Variants in PTBP3 observed in about 807,000 individuals in gnomAD.
PTBP3 encodes polypyrimidine tract binding protein 3, also known as polypyrimidine tract-binding protein 3.
Under a neutral mutation model 58.7 loss-of-function variants are expected in PTBP3, and 20 were observed. That is an observed-to-expected ratio of 0.34 (90% CI 0.24 to 0.50). The LOEUF is 0.50. Among genes scored for constraint, PTBP3 ranks in the 20% least tolerant of loss-of-function variants. The pLI is 0.98. For missense variants in PTBP3, 509 were observed against 637.2 expected (o/e 0.80, Z 2.17); for synonymous variants, 185 against 219.8 (o/e 0.84, Z 1.40).
At chr9:112,306,370 T>C (rs984031010) in intron 1 of PTBP3, among the ~76,000 whole-genome samples, 4 of 150,704 alleles carry the variant, frequency 2.7e-5, no homozygotes, top group African/African-American at 9.8e-5. Flanking sequence ...TTCACCATGT[T>C]GCCCAAGCTG....
chr9:112,257,936 A>T (rs2132110486), intron 5 of PTBP3, among the ~76,000 whole-genome samples: 1 of 86,172 alleles, frequency 1.2e-5, no homozygotes, highest in African/African-American at 8.8e-5. Flanking sequence ...GTGAGACTCC[A>T]TCTCAAAAAA....
the PTBP3 span, among the ~76,000 whole-genome samples, chr9:112,341,497 T>G: frequency 2.0e-5 from 3 of 152,240 alleles, no homozygotes; most frequent in African/African-American, 7.2e-5. Context: ...TCGTTGGGTG[T>G]GTGTGTGTGT....
chr9:112,335,701 T>G (rs1830572454), upstream of PTBP3, among the ~76,000 whole-genome samples: 1 of 140,122 alleles, frequency 7.1e-6, no homozygotes, highest in Non-Finnish European at 1.5e-5. Flanking sequence ...GGCGGGCAGA[T>G]CACTTAAGGT....
At chr9:112,262,011 T>C (rs1836617260) in intron 5 of PTBP3, among the ~76,000 whole-genome samples, 3 of 152,192 alleles carry the variant, frequency 2.0e-5, no homozygotes, top group South Asian at 2.1e-4. Flanking sequence ...ATATTTAACA[T>C]GGTATATTCA....
At chr9:112,349,444 A>AC in the PTBP3 span, among the ~76,000 whole-genome samples, 3 of 151,920 alleles carry the variant, frequency 2.0e-5, no homozygotes, top group East Asian at 3.9e-4. Flanking sequence ...AATCACAGGA[A>AC]CCCCCCAATT....
the PTBP3 span, among the ~76,000 whole-genome samples, chr9:112,347,498 C>T: frequency 1.3e-5 from 2 of 151,986 alleles, no homozygotes; most frequent in Non-Finnish European, 2.9e-5. Context: ...TGTGCCACCA[C>T]GCCTGGCTAA....
the PTBP3 span, among the ~76,000 whole-genome samples, chr9:112,356,581 C>CAAAAAA: frequency 6.9e-6 from 1 of 145,966 alleles, no homozygotes; most frequent in Non-Finnish European, 1.5e-5. Flanking sequence ...AGCAACAGAG[C>CAAAAAA]AAAAAAAAAA....
chr9:112,340,604 C>T, the PTBP3 span, among the ~76,000 whole-genome samples: 3 of 152,188 alleles, frequency 2.0e-5, no homozygotes, highest in South Asian at 6.2e-4. Context: ...TGTTTAGGGC[C>T]GGGTGCAGTG....
At chr9:112,356,091 C>T in the PTBP3 span, among the ~76,000 whole-genome samples, 1 of 151,198 alleles carries the variant, frequency 6.6e-6, no homozygotes, top group Non-Finnish European at 1.5e-5. Flanking sequence ...GATTCTCCTG[C>T]CTCAGCCTCC....
intron 1 of PTBP3, among the ~76,000 whole-genome samples, chr9:112,329,446 T>A (rs142939941): frequency 1.3e-5 from 2 of 152,078 alleles, no homozygotes; most frequent in African/African-American, 2.4e-5. Flanking sequence ...GAAAAGACTT[T>A]GGTAAAACTG....
At chr9:112,293,669 A>G (rs921339839) in intron 2 of PTBP3, among the ~76,000 whole-genome samples, 3 of 152,176 alleles carry the variant, frequency 2.0e-5, no homozygotes, top group Admixed American at 1.3e-4. Context: ...CCTACAATGG[A>G]CTCAGCCTCC....
At chr9:112,267,210 G>A (rs1836837144) in intron 4 of PTBP3, among the ~76,000 whole-genome samples, 1 of 147,904 alleles carries the variant, frequency 6.8e-6, no homozygotes, top group Non-Finnish European at 1.5e-5. Context: ...CTCTCACCCA[G>A]GCTGGAGTGC....
At chr9:112,369,957 C>T in the PTBP3 span, among the ~76,000 whole-genome samples, 5 of 152,146 alleles carry the variant, frequency 3.3e-5, no homozygotes, top group African/African-American at 1.2e-4. Flanking sequence ...TTATAAAAGG[C>T]AGTTCCCCTG....
intron 8 of PTBP3, 112 bp from the exon 9 acceptor site, chr9:112,232,350 A>G: frequency 8.8e-7 from 1 of 1,138,596 alleles, no homozygotes; most frequent in Non-Finnish European, 1.2e-6. Context: ...AAAATGTGTC[A>G]AGGCTACCAT....
At chr9:112,327,390 C>T (rs1198061284) in intron 1 of PTBP3, among the ~76,000 whole-genome samples, 1 of 151,776 alleles carries the variant, frequency 6.6e-6, no homozygotes, top group African/African-American at 2.4e-5. Flanking sequence ...GAAACCGTTT[C>T]TACTAAAAAT....
intron 10 of PTBP3, among the ~76,000 whole-genome samples, chr9:112,230,170 A>G (rs1204620753): frequency 6.6e-6 from 1 of 152,138 alleles, no homozygotes; most frequent in Non-Finnish European, 1.5e-5. Flanking sequence ...CCATTAAAAA[A>G]AACCTATCAG....
downstream of PTBP3, chr9:112,218,373 C>T (rs1049716565): frequency 1.1e-4 from 17 of 152,408 alleles, no homozygotes; most frequent in African/African-American, 4.1e-4. Flanking sequence ...GAAAATAGGA[C>T]ATCATTAGAA....
intron 2 of PTBP3, among the ~76,000 whole-genome samples, chr9:112,279,887 T>C (rs2132225441): frequency 6.9e-6 from 1 of 144,166 alleles, no homozygotes; most frequent in Non-Finnish European, 1.5e-5. Context: ...CCTAAGTACT[T>C]CATAATTTTT....
At chr9:112,346,208 C>T in the PTBP3 span, among the ~76,000 whole-genome samples, 7 of 151,834 alleles carry the variant, frequency 4.6e-5, no homozygotes, top group Non-Finnish European at 7.4e-5. Flanking sequence ...TGCTCTGTGG[C>T]CCAGGCCGGA....
Sources: gnomAD v4.1 joint callset for allele counts (sites outside exome capture counted in the v4.1 genomes callset) on GRCh38, gnomAD v4.1.1 for gene constraint, MANE v1.5 for transcripts, NCBI Gene and HGNC (gene_info 2026-07-23, HGNC 2026-07-21) for gene names.